Variants in CADM2 observed in about 807,000 individuals in gnomAD.
The protein encoded by CADM2 is immunoglobulin superfamily member 4D.
A neutral mutation model predicts 49.8 loss-of-function variants in CADM2; 12 were observed. That is an observed-to-expected ratio of 0.24 (90% confidence interval 0.15 to 0.39). The LOEUF (loss-of-function observed/expected upper bound fraction) is 0.39, where lower values mean the gene tolerates loss of function less well. Among genes scored for constraint, CADM2 ranks in the 10% least tolerant of loss-of-function variants. CADM2 has a pLI of 1.00. For missense variants in CADM2, 378 were observed against 492.3 expected, an observed-to-expected ratio of 0.77 and a Z score of 2.20; for synonymous variants, 214 against 175.4, an observed-to-expected ratio of 1.22 and a Z score of -1.74.
chr3:85,749,749 G>T (rs2068787308), intron 2 of CADM2, among the ~76,000 whole-genome samples: 2 of 151,882 alleles, frequency 1.3e-5, no homozygotes, highest in African/African-American at 2.4e-5. Context: ...ATTTCCTTGG[G>T]ATTAAAGTAA....
intron 1 of CADM2, among the ~76,000 whole-genome samples, chr3:85,159,624 G>C (rs1421903456): frequency 1.3e-5 from 2 of 152,122 alleles, no homozygotes; most frequent in Non-Finnish European, 2.9e-5. Context: ...GCGATTCTAG[G>C]GCAATAGGTG....
At position 86,014,879 on chromosome 3, in the gene CADM2, G is replaced by A. The variant is rs1732014240; in HGVS notation, c.971-50726G>A. ...TTTTTCCTAATGTGTATGCATTGAT[G>A]AAGGTCCTGTGTATTCTTCCTGTGA... On this transcript the variant is annotated intron_variant, in intron 8 of 9. Coordinates refer to ENST00000383699, the MANE Select transcript of CADM2 (RefSeq NM_001167675.2). 37 of 1,544,820 alleles carry A rather than the reference G, an allele frequency of 2.4e-5. No individual in the cohort carries two copies. In the South Asian group the frequency reaches 3.0e-4, roughly 13 times the overall value.
In CADM2 at chr3:85,905,065, A is replaced by T. The variant is rs1165036551; in HGVS notation, c.530-7308A>T. On this transcript the variant is annotated intron_variant, in intron 5 of 9. Transcript: ENST00000383699. ...CAGCTAGGTATATTTTTAACTTGGTAATTTTTCATTTAGTTTTTTTCTCTT... is the reference window on the plus strand; with the variant it reads ...CAGCTAGGTATATTTTTAACTTGGTTATTTTTCATTTAGTTTTTTTCTCTT... Among the ~76,000 whole-genome samples, 6 of 152,062 alleles carry T rather than the reference A, an allele frequency of 3.9e-5. No homozygotes were observed. In the East Asian group the frequency reaches 1.2e-3, roughly 29 times the overall value.
chr3:85,400,127 A>G (rs566211973), intron 1 of CADM2, among the ~76,000 whole-genome samples: 2 of 152,214 alleles, frequency 1.3e-5, no homozygotes, highest in African/African-American at 2.4e-5. Context: ...CGTCCCATCA[A>G]TACCTAATTT....
At chr3:85,326,131 TA>T (rs201935853) in intron 1 of CADM2, among the ~76,000 whole-genome samples, 2,548 of 152,270 alleles carry the variant, frequency 0.017, 33 homozygotes, top group South Asian at 0.027. Flanking sequence ...GATTTAAAGC[TA>T]AAAGAACATG....
chr3:85,261,106 A>G (rs2043005855), intron 1 of CADM2, among the ~76,000 whole-genome samples: 1 of 151,874 alleles, frequency 6.6e-6, no homozygotes, highest in Admixed American at 6.6e-5. Flanking sequence ...CTCAACAGAC[A>G]TGTTTTTACA....
At chr3:85,694,976 A>T (rs1189309516) in intron 1 of CADM2, among the ~76,000 whole-genome samples, 4 of 152,158 alleles carry the variant, frequency 2.6e-5, no homozygotes, top group Admixed American at 2.6e-4. Context: ...AATGATAACT[A>T]ATTGGCTCTA....
At chr3:85,057,698 C>T (rs755702773) in intron 1 of CADM2, among the ~76,000 whole-genome samples, 3 of 152,080 alleles carry the variant, frequency 2.0e-5, no homozygotes, top group Non-Finnish European at 1.5e-5. Flanking sequence ...AAATGTAGCA[C>T]AATCTAATCA....
rs148792943 is a variant in CADM2 at position 85,261,195 on chromosome 3, G to T, written c.61+301527G>T. Reference sequence around the variant, plus strand: ...TCTGTCACTCAGGCTGGAGTGCAGTGGCAAGATCTTGGCTCATTGCAACCT... The same window carrying T: ...TCTGTCACTCAGGCTGGAGTGCAGTTGCAAGATCTTGGCTCATTGCAACCT... On this transcript the variant is annotated intron_variant, in intron 1 of 9. Coordinates refer to ENST00000383699, the MANE Select transcript of CADM2 (RefSeq NM_001167675.2). Among the ~76,000 whole-genome samples, 542 of 152,062 alleles carry T rather than the reference G, an allele frequency of 3.6e-3. 2 individuals carry two copies. The highest frequency in any genetic ancestry group is 0.024 in the Middle Eastern group (7 of 294).
intron 8 of CADM2, among the ~76,000 whole-genome samples, chr3:85,970,715 TGTGCATA>T (rs1358081764): frequency 6.6e-6 from 1 of 151,616 alleles, no homozygotes; most frequent in Admixed American, 6.6e-5. Flanking sequence ...ATTAGTGCCG[TGTGCATA>T]GTACTCTCTT....
chr3:85,826,767 A>G (rs1178491747), intron 3 of CADM2, among the ~76,000 whole-genome samples: 1 of 152,010 alleles, frequency 6.6e-6, no homozygotes, highest in Non-Finnish European at 1.5e-5. Context: ...CCTAATGAAA[A>G]AGACTATTAG....
chr3:85,569,241 T>C (rs1191046499), intron 1 of CADM2, among the ~76,000 whole-genome samples: 1 of 152,160 alleles, frequency 6.6e-6, no homozygotes, highest in African/African-American at 2.4e-5. Context: ...TTCAGTGTTA[T>C]TCCCATGAGA....
intron 3 of CADM2, 99 bp downstream of exon 3, chr3:85,802,295 T>C (rs1046537412): frequency 9.7e-7 from 1 of 1,027,790 alleles, no homozygotes; most frequent in Non-Finnish European, 1.3e-6. Flanking sequence ...TCCTTTTGAT[T>C]ACCAAACTGC....
intron 1 of CADM2, among the ~76,000 whole-genome samples, chr3:85,328,972 T>C (rs2044832316): frequency 6.6e-6 from 1 of 151,478 alleles, no homozygotes; most frequent in Admixed American, 6.6e-5. Context: ...TATTTGAATA[T>C]AGGCTCTTTA....
At chr3:85,339,969 G>A (rs980962679) in intron 1 of CADM2, among the ~76,000 whole-genome samples, 2 of 151,050 alleles carry the variant, frequency 1.3e-5, no homozygotes, top group African/African-American at 4.8e-5. Flanking sequence ...ATTAATAAGT[G>A]TCACTATTAA....
chr3:85,204,895 G>T (rs905939251), intron 1 of CADM2, among the ~76,000 whole-genome samples: 1 of 151,370 alleles, frequency 6.6e-6, no homozygotes, highest in East Asian at 1.9e-4. Context: ...ATACAGAAAA[G>T]AACTTATAAA....
At chr3:85,822,718 A>T (rs183060719) in intron 3 of CADM2, among the ~76,000 whole-genome samples, 1 of 152,326 alleles carries the variant, frequency 6.6e-6, no homozygotes, top group Non-Finnish European at 1.5e-5. Context: ...ATAGTTAAAT[A>T]CATTTTTATG....
At chr3:85,309,564 A>G (rs1224552377) in intron 1 of CADM2, among the ~76,000 whole-genome samples, 1 of 152,192 alleles carries the variant, frequency 6.6e-6, no homozygotes, top group East Asian at 1.9e-4. Flanking sequence ...CTCAGTAAAT[A>G]TTAGCTATTA....
At chr3:85,841,615 C>A (rs1204425421) in intron 3 of CADM2, among the ~76,000 whole-genome samples, 1 of 151,926 alleles carries the variant, frequency 6.6e-6, no homozygotes, top group East Asian at 1.9e-4. Flanking sequence ...TCTACCCAAC[C>A]AATCCAGGTT....
Sources: allele counts gnomAD v4.1 joint callset (sites outside exome capture counted in the v4.1 genomes callset), GRCh38; gene constraint gnomAD v4.1.1; transcripts MANE v1.5; gene names NCBI Gene and HGNC (gene_info 2026-07-23, HGNC 2026-07-21).